EHBP1: variants seen among roughly 807,000 people sequenced by gnomAD.
EHBP1 encodes EH domain-binding protein 1.
In EHBP1, 55 loss-of-function variants were observed where a neutral mutation model predicts 144.0. That is an observed-to-expected ratio of 0.38 (90% CI 0.31 to 0.48). The LOEUF is 0.48. Ranked by LOEUF, EHBP1 falls within the 20% of genes least tolerant of loss-of-function variation. The probability of loss-of-function intolerance (pLI) is 0.98; values close to 1 mark genes in which losing one functional copy is unlikely to be tolerated. For synonymous variants in EHBP1, 469 were observed against 472.7 expected (o/e 0.99, Z 0.10); for missense variants, 1,200 against 1,364.2 (o/e 0.88, Z 1.90).
At chr2:62,714,867 A>G (rs2035512932) in intron 2 of EHBP1, among the ~76,000 whole-genome samples, 1 of 152,186 alleles carries the variant, frequency 6.6e-6, no homozygotes, top group East Asian at 1.9e-4. Context: ...CAGTGCTGAA[A>G]TGAGCTAAGT....
intron 21 of EHBP1, among the ~76,000 whole-genome samples, chr2:63,043,606 A>G (rs138087580): frequency 6.6e-6 from 1 of 152,248 alleles, no homozygotes; most frequent in Non-Finnish European, 1.5e-5. Flanking sequence ...TAAATACAAG[A>G]TAGAATTCCC....
intron 7 of EHBP1, among the ~76,000 whole-genome samples, chr2:62,841,415 C>T (rs2047851186): frequency 6.6e-6 from 1 of 151,542 alleles, no homozygotes; most frequent in Non-Finnish European, 1.5e-5. Flanking sequence ...GGGTGCAGTG[C>T]ACCAGCATGG....
intron 14 of EHBP1, among the ~76,000 whole-genome samples, chr2:62,964,128 A>C (rs2058126185): frequency 2.0e-5 from 3 of 152,236 alleles, no homozygotes; most frequent in Non-Finnish European, 4.4e-5. Context: ...CTTCTTAGAA[A>C]ACATACTGTT....
At chr2:62,913,584 C>A (rs1368762156) in intron 10 of EHBP1, among the ~76,000 whole-genome samples, 1 of 152,140 alleles carries the variant, frequency 6.6e-6, no homozygotes, top group Admixed American at 6.5e-5. Flanking sequence ...CATTTGGTGG[C>A]AAATGCAATT....
intron 5 of EHBP1, among the ~76,000 whole-genome samples, chr2:62,821,390 C>T (rs2045970420): frequency 6.6e-6 from 1 of 152,120 alleles, no homozygotes; most frequent in Admixed American, 6.6e-5. Flanking sequence ...TCTCCATCTT[C>T]TTAGAATATG....
At chr2:62,812,110 C>T (rs922063095) in intron 5 of EHBP1, among the ~76,000 whole-genome samples, 4 of 152,186 alleles carry the variant, frequency 2.6e-5, no homozygotes, top group African/African-American at 9.6e-5. Flanking sequence ...TGCTCACTTT[C>T]GCTTTTCACA....
At chr2:62,673,990 T>G (rs1015631361) in exon 1 of EHBP1, 2 of 470,566 alleles carry the variant, frequency 4.3e-6, no homozygotes, top group Admixed American at 4.7e-5. Context: ...AGCATGCCCC[T>G]GTAGCAGCAA....
At chr2:62,774,937 T>C (rs951203441) in intron 5 of EHBP1, among the ~76,000 whole-genome samples, 2 of 152,158 alleles carry the variant, frequency 1.3e-5, no homozygotes, top group African/African-American at 4.8e-5. Flanking sequence ...AGAGAGAGGA[T>C]AAAAATTACT....
At position 62,820,255 on chromosome 2, in the gene EHBP1, G is replaced by T. The variant is rs538704039; in HGVS notation, c.313-5832G>T. Among the ~76,000 whole-genome samples the T allele has an allele frequency of 1.8e-3, 268 of 145,854 alleles. 1 individual carries two copies. The highest frequency in any genetic ancestry group is 6.4e-3 in the African/African-American group (255 of 40,154). On this transcript the variant is annotated intron_variant, in intron 5 of 22. Transcript: ENST00000431489. ...AAAAAAAAAAGAACATGATGTTGAA[G>T]ATAAGAAACAAATTTTTAAAATGGT...
chr2:62,922,421 C>T (rs1366818311), intron 10 of EHBP1, among the ~76,000 whole-genome samples: 2 of 152,088 alleles, frequency 1.3e-5, no homozygotes, highest in Non-Finnish European at 2.9e-5. Flanking sequence ...GGTGAAAACA[C>T]GTGATCTAAT....
At chr2:62,785,140 A>G (rs2042715229) in intron 5 of EHBP1, among the ~76,000 whole-genome samples, 2 of 152,094 alleles carry the variant, frequency 1.3e-5, no homozygotes, top group African/African-American at 2.4e-5. Flanking sequence ...GTATTGTGGG[A>G]TGTACTGTGG....
intron 19 of EHBP1, among the ~76,000 whole-genome samples, chr2:63,013,291 G>A (rs566018786): frequency 6.6e-5 from 10 of 152,192 alleles, no homozygotes; most frequent in African/African-American, 2.2e-4. Context: ...TCTACTTTAG[G>A]TTCTGACTCT....
chr2:62,821,278 A>G (rs1348670982), intron 5 of EHBP1, among the ~76,000 whole-genome samples: 1 of 152,206 alleles, frequency 6.6e-6, no homozygotes, highest in Non-Finnish European at 1.5e-5. Flanking sequence ...GAGGCATTAC[A>G]TTAATTTTAC....
chr2:62,823,500 T>A (rs2046134473), intron 5 of EHBP1, among the ~76,000 whole-genome samples: 1 of 152,090 alleles, frequency 6.6e-6, no homozygotes, highest in African/African-American at 2.4e-5. Flanking sequence ...CCCTAGTCCC[T>A]TTAAGAAGGA....
intron 5 of EHBP1, among the ~76,000 whole-genome samples, chr2:62,801,810 T>C (rs184685787): frequency 1.8e-4 from 27 of 152,356 alleles, no homozygotes; most frequent in African/African-American, 6.3e-4. Context: ...CTCATTATCT[T>C]TATAGAATAA....
chr2:62,814,309 T>G (rs547215002), intron 5 of EHBP1, among the ~76,000 whole-genome samples: 2 of 152,388 alleles, frequency 1.3e-5, no homozygotes, highest in East Asian at 3.9e-4. Context: ...CCTTTGGCAT[T>G]CTGCCATGGG....
intron 2 of EHBP1, among the ~76,000 whole-genome samples, chr2:62,710,009 G>C (rs934381239): frequency 6.6e-6 from 1 of 152,104 alleles, no homozygotes; most frequent in African/African-American, 2.4e-5. Context: ...TACTCTTCTT[G>C]TTGTCCTTAT....
At chr2:62,746,018 C>G (rs1330508619) in intron 2 of EHBP1, among the ~76,000 whole-genome samples, 1 of 151,990 alleles carries the variant, frequency 6.6e-6, no homozygotes, top group African/African-American at 2.4e-5. Flanking sequence ...TGAAATTGTG[C>G]TGGAGCTGTG....
intron 16 of EHBP1, 49 bp downstream of exon 16, chr2:62,990,889 G>A (rs2059387726): frequency 6.5e-7 from 1 of 1,537,444 alleles, no homozygotes; most frequent in East Asian, 2.3e-5. Flanking sequence ...GTGTCTTCTA[G>A]TTTCTGCCAG....
Sources: gnomAD v4.1 joint callset for allele counts (sites outside exome capture counted in the v4.1 genomes callset) on GRCh38, gnomAD v4.1.1 for gene constraint, MANE v1.5 for transcripts, NCBI Gene and HGNC (gene_info 2026-07-23, HGNC 2026-07-21) for gene names.